EHBP1: variants seen among roughly 807,000 people sequenced by gnomAD.
EHBP1 encodes the protein EH domain binding protein 1.
In EHBP1, 55 loss-of-function variants were observed where a neutral mutation model predicts 144.0. The observed-to-expected ratio is 0.38, with a 90% CI of 0.31 to 0.48. The LOEUF is 0.48. Ranked by LOEUF, EHBP1 falls within the 20% of genes least tolerant of loss-of-function variation. The probability of loss-of-function intolerance (pLI) is 0.98; values close to 1 mark genes in which losing one functional copy is unlikely to be tolerated. For synonymous variants in EHBP1, 469 were observed against 472.7 expected (o/e 0.99, Z 0.10); for missense variants, 1,200 against 1,364.2 (o/e 0.88, Z 1.90).
At chr2:62,837,117 C>T (rs974398549) in intron 7 of EHBP1, among the ~76,000 whole-genome samples, 9 of 146,542 alleles carry the variant, frequency 6.1e-5, no homozygotes, top group African/African-American at 2.3e-4. Flanking sequence ...CAAAGGGAAG[C>T]CCATCAGACT....
intron 19 of EHBP1, among the ~76,000 whole-genome samples, chr2:63,033,078 A>T (rs2061327333): frequency 6.6e-6 from 1 of 152,158 alleles, no homozygotes; most frequent in African/African-American, 2.4e-5. Context: ...CTAAGTTTAA[A>T]TATTTTCTAA....
chr2:62,799,727 G>A (rs2043834436), intron 5 of EHBP1, among the ~76,000 whole-genome samples: 1 of 152,118 alleles, frequency 6.6e-6, no homozygotes, highest in Non-Finnish European at 1.5e-5. Context: ...CCTATAGGGG[G>A]AAAACAACTC....
rs144453814 is a variant in EHBP1, at chr2:62,932,557, A to G, written c.1186-10161A>G. 9.8e-4 allele frequency among the ~76,000 whole-genome samples: 149 copies of G among 152,300 alleles called. 1 individual carries two copies. Among genetic ancestry groups the G allele is most frequent in the Non-Finnish European group, 1.6e-3 (111 of 68,016 alleles). ...AGGATGGCAGTTACTAGGGGCAGAG[A>G]CTTGTTTAATGGATATAGAGTTTCA... On this transcript the variant is annotated intron_variant, in intron 10 of 22. Transcript: ENST00000431489.
At chr2:62,753,920 C>T (rs1221542097) in intron 3 of EHBP1, among the ~76,000 whole-genome samples, 1 of 152,120 alleles carries the variant, frequency 6.6e-6, no homozygotes, top group Non-Finnish European at 1.5e-5. Context: ...GTTTTTAGCT[C>T]CTTTGCGATG....
chr2:62,974,699 G>A (rs1003522308), intron 14 of EHBP1, among the ~76,000 whole-genome samples: 12 of 152,158 alleles, frequency 7.9e-5, no homozygotes, highest in Non-Finnish European at 1.6e-4. Flanking sequence ...AATATTATAG[G>A]TGGTGTGCAG....
chr2:62,917,085 G>A (rs2054682940), intron 10 of EHBP1, among the ~76,000 whole-genome samples: 1 of 152,104 alleles, frequency 6.6e-6, no homozygotes, highest in East Asian at 1.9e-4. Context: ...AGATGGTGTA[G>A]TGTACTACAC....
At chr2:62,683,528 G>A (rs1457290598) in intron 1 of EHBP1, among the ~76,000 whole-genome samples, 5 of 151,856 alleles carry the variant, frequency 3.3e-5, no homozygotes, top group South Asian at 2.1e-4. Flanking sequence ...GCATGGTGGC[G>A]GGCGCCTGTA....
At chr2:62,701,933 C>T (rs779096888), upstream of EHBP1, among the ~76,000 whole-genome samples, 38 of 152,002 alleles carry the variant, frequency 2.5e-4, no homozygotes, top group Non-Finnish European at 4.1e-4. Context: ...ACTAGGAATA[C>T]GGCACAGATA....
At chr2:63,028,714 A>G (rs1416319853) in intron 19 of EHBP1, among the ~76,000 whole-genome samples, 2 of 152,140 alleles carry the variant, frequency 1.3e-5, no homozygotes, top group African/African-American at 4.8e-5. Flanking sequence ...TTGTATTTCT[A>G]TATTTTAAAA....
At chr2:62,730,209 G>A (rs2037375722) in intron 2 of EHBP1, among the ~76,000 whole-genome samples, 1 of 151,612 alleles carries the variant, frequency 6.6e-6, no homozygotes, top group Non-Finnish European at 1.5e-5. Flanking sequence ...CCCACTTATT[G>A]ATATCTTACA....
chr2:62,885,621 C>T (rs575436508), intron 10 of EHBP1, among the ~76,000 whole-genome samples: 1 of 152,104 alleles, frequency 6.6e-6, no homozygotes, highest in South Asian at 2.1e-4. Flanking sequence ...TGAAATTGTT[C>T]CCAGATACAT....
intron 7 of EHBP1, among the ~76,000 whole-genome samples, chr2:62,852,788 A>T (rs2048770328): frequency 6.6e-6 from 1 of 152,172 alleles, no homozygotes; most frequent in Middle Eastern, 3.2e-3. Context: ...AATTACAGTG[A>T]CTGCAAGAGG....
chr2:63,026,961 G>A (rs1215697902), intron 19 of EHBP1, among the ~76,000 whole-genome samples: 2 of 152,084 alleles, frequency 1.3e-5, no homozygotes, highest in Non-Finnish European at 2.9e-5. Context: ...AAGGTTTTTT[G>A]TGTTCATTTG....
chr2:62,931,277 C>T (rs930970712), intron 10 of EHBP1, among the ~76,000 whole-genome samples: 7 of 152,246 alleles, frequency 4.6e-5, no homozygotes, highest in South Asian at 2.1e-4. Context: ...AAAAGATGCT[C>T]GACATCACTA....
chr2:62,858,473 A>C, intron 7 of EHBP1: 1 of 1,612,186 alleles, frequency 6.2e-7, no homozygotes, highest in Non-Finnish European at 8.5e-7. Flanking sequence ...TAAAGCAAGC[A>C]AATATGCGTT....
At position 62,747,468 on chromosome 2, in the gene EHBP1, A is replaced by T; in HGVS notation, c.162+16A>T. ...GTCTTCTAAGGTTAGTGTATTTTCT[A>T]AATTTCTTACCTAATTGTTGAATAC... On this transcript the variant is annotated intron_variant, in intron 3 of 22. Transcript: ENST00000431489. The T allele has an allele frequency of 1.9e-6, 3 of 1,594,642 alleles. No homozygotes were observed. Among genetic ancestry groups the T allele is most frequent in the Non-Finnish European group, 2.6e-6 (3 of 1,168,586 alleles).
At chr2:62,894,058 A>C (rs1573939764) in intron 10 of EHBP1, among the ~76,000 whole-genome samples, 1 of 152,048 alleles carries the variant, frequency 6.6e-6, no homozygotes, top group East Asian at 1.9e-4. Flanking sequence ...AAAAAAAAAA[A>C]AACAGCAACA....
intron 15 of EHBP1, among the ~76,000 whole-genome samples, chr2:62,985,334 A>G (rs776127930): frequency 6.6e-6 from 1 of 152,188 alleles, no homozygotes; most frequent in Admixed American, 6.5e-5. Flanking sequence ...GTGATATTAT[A>G]GAAATAATAA....
rs562143951 is a variant in EHBP1, at chr2:62,731,745, G to A, written c.105-15650G>A. 4.1e-4 allele frequency among the ~76,000 whole-genome samples: 62 copies of A among 152,000 alleles called. No individual in the cohort carries two copies. The South Asian group carries it at 4.4e-3, about 11-fold the overall frequency. ...TTACAGTAATTGGTTTTTAAATGTC[G>A]AACCAACCTTGCATACATAGAATCC... is the stretch of plus-strand genomic sequence containing the variant. On this transcript the variant is annotated intron_variant, in intron 2 of 22. Transcript: ENST00000431489.
Sources: gnomAD v4.1 joint callset for allele counts (sites outside exome capture counted in the v4.1 genomes callset) on GRCh38, gnomAD v4.1.1 for gene constraint, MANE v1.5 for transcripts, NCBI Gene and HGNC (gene_info 2026-07-23, HGNC 2026-07-21) for gene names.